The following ELOVL4 variants were observed in gnomAD, a reference collection of about 807,000 sequenced individuals.
ELOVL4 encodes the protein very long chain fatty acid elongase 4.
In ELOVL4, 18 loss-of-function variants were observed where a neutral mutation model predicts 42.1. The observed-to-expected ratio is 0.43, with a 90% confidence interval of 0.30 to 0.63. ELOVL4 has a LOEUF of 0.63. ELOVL4 is among the 30% of genes least tolerant of loss of function. The pLI is 0.15. For synonymous variants in ELOVL4, 117 were observed against 127.0 expected (o/e 0.92, Z 0.53); for missense variants, 299 against 376.2 (o/e 0.79, Z 1.70).
intron 1 of ELOVL4, among the ~76,000 whole-genome samples, chr6:79,929,506 GTTAGGA>G (rs1774408571): frequency 6.6e-6 from 1 of 152,052 alleles, no homozygotes; most frequent in Admixed American, 6.5e-5. Flanking sequence ...CTCCCAAAGT[GTTAGGA>G]TTACAGGCGT....
chr6:79,940,345 A>G (rs1404039808), intron 1 of ELOVL4, among the ~76,000 whole-genome samples: 3 of 152,206 alleles, frequency 2.0e-5, no homozygotes, highest in African/African-American at 7.2e-5. Context: ...TTTCATGAAG[A>G]AAAATATATG....
chr6:79,927,035 G>T (rs1475088164), intron 1 of ELOVL4, among the ~76,000 whole-genome samples: 1 of 151,990 alleles, frequency 6.6e-6, no homozygotes, highest in African/African-American at 2.4e-5. Flanking sequence ...TTTTTCTCTA[G>T]AGCTGTAAAT....
chr6:79,937,932 C>T (rs1425637593), intron 1 of ELOVL4, among the ~76,000 whole-genome samples: 1 of 152,156 alleles, frequency 6.6e-6, no homozygotes, highest in African/African-American at 2.4e-5. Context: ...TCATCATGTG[C>T]AGACGATATC....
At chr6:79,934,484 C>T (rs560163296) in intron 1 of ELOVL4, among the ~76,000 whole-genome samples, 3 of 152,160 alleles carry the variant, frequency 2.0e-5, no homozygotes, top group South Asian at 2.1e-4. Context: ...ATGGATACCA[C>T]GACGTCATGC....
At chr6:79,931,437 C>G (rs7756791) in intron 1 of ELOVL4, among the ~76,000 whole-genome samples, 3,666 of 152,152 alleles carry the variant, frequency 0.024, 146 homozygotes, top group African/African-American at 0.083. Flanking sequence ...TACTCAATCA[C>G]CATGTACTTT....
intron 4 of ELOVL4, among the ~76,000 whole-genome samples, chr6:79,921,284 A>AC (rs1482871336): frequency 6.6e-6 from 1 of 151,724 alleles, no homozygotes; most frequent in African/African-American, 2.4e-5. Context: ...ACATGGTGAA[A>AC]CCCTGTCTCT....
chr6:79,915,402 T>C lies in ELOVL4; in HGVS notation c.*1206A>G, dbSNP rs1176172162. ...ACATCAAGCATTGAATTTAACAATC[T>C]TTAGCACCAAGGAGTCAAGAATATT... On this transcript the variant is annotated 3_prime_UTR_variant, in exon 6 of 6. Coordinates refer to ENST00000369816, the MANE Select transcript of ELOVL4 (RefSeq NM_022726.4). 1 of 152,614 alleles carries C rather than the reference T, an allele frequency of 6.6e-6. No individual in the cohort carries two copies. The highest frequency in any genetic ancestry group is 2.4e-5 in the African/African-American group (1 of 41,458). 9.5% of individuals were successfully genotyped at this position (152,614 alleles called of 1,614,324 possible). A position where few individuals can be genotyped will look rare whatever the true frequency, so the allele number is the denominator to read the frequency against.
intron 5 of ELOVL4, 98 bp from the exon 6 acceptor site, chr6:79,916,981 T>A (rs1447147039): frequency 6.9e-7 from 1 of 1,439,236 alleles, no homozygotes; most frequent in African/African-American, 1.4e-5. Context: ...AGGCCCAAAT[T>A]TTGCCACACT....
At chr6:79,921,570 C>T in intron 4 of ELOVL4, 55 bp downstream of exon 4, 2 of 1,505,528 alleles carry the variant, frequency 1.3e-6, no homozygotes, top group South Asian at 2.3e-5. Flanking sequence ...CATTGCTTTC[C>T]ACTGAACACA....
At chr6:79,920,361 C>T (rs1432625951) in intron 4 of ELOVL4, among the ~76,000 whole-genome samples, 1 of 152,172 alleles carries the variant, frequency 6.6e-6, no homozygotes, top group African/African-American at 2.4e-5. Context: ...TCTGAAAAGA[C>T]AGGAGGCAGA....
chr6:79,941,934 G>A (rs1272846465), intron 1 of ELOVL4, among the ~76,000 whole-genome samples: 1 of 152,208 alleles, frequency 6.6e-6, no homozygotes, highest in Non-Finnish European at 1.5e-5. Flanking sequence ...GTCATAGAAG[G>A]AATGGCACAG....
chr6:79,930,370 G>C (rs933178961), intron 1 of ELOVL4, among the ~76,000 whole-genome samples: 1 of 152,128 alleles, frequency 6.6e-6, no homozygotes, highest in African/African-American at 2.4e-5. Flanking sequence ...GATTATCATG[G>C]AAGCTACAGT....
At chr6:79,946,908 T>G (rs1012873133) in intron 1 of ELOVL4, among the ~76,000 whole-genome samples, 1 of 152,178 alleles carries the variant, frequency 6.6e-6, no homozygotes, top group Non-Finnish European at 1.5e-5. Context: ...AGGCTCCATC[T>G]GATATGTCAG....
In ELOVL4 at chr6:79,924,981, C is replaced by T; in HGVS notation, c.340G>A (p.Asp114Asn). 1 of 1,606,282 alleles carries T rather than the reference C, an allele frequency of 6.2e-7. No individual in the cohort carries two copies. Among genetic ancestry groups the T allele is most frequent in the Non-Finnish European group, 8.5e-7 (1 of 1,173,054 alleles). Residue 114 changes from aspartate to asparagine, a missense_variant, in exon 3 of 6, where the codon GAT becomes AAT. Coordinates refer to ENST00000369816, the MANE Select transcript of ELOVL4 (RefSeq NM_022726.4). Reference protein sequence around the residue: ...AGYSYICQSVDYSNNVHEVRI... With the variant: ...AGYSYICQSVNYSNNVHEVRI... Reference sequence around the variant, plus strand: ...ACTTCATGAACATTATTAGAATAATCCACACTCTGGCAAATATAGCTATAT... The same window carrying T: ...ACTTCATGAACATTATTAGAATAATTCACACTCTGGCAAATATAGCTATAT...
chr6:79,943,852 A>C (rs1054998127), intron 1 of ELOVL4, among the ~76,000 whole-genome samples: 2 of 152,118 alleles, frequency 1.3e-5, no homozygotes, highest in Non-Finnish European at 2.9e-5. Flanking sequence ...ACCCCTCCAA[A>C]GTTAATTCAA....
Position 79,947,079 on chromosome 6 carries a change from G to C in ELOVL4, c.100+101C>G, listed in dbSNP as rs1774758264. The C allele has an allele frequency of 9.2e-6, 9 of 974,070 alleles. 1 individual carries two copies. The highest frequency in any genetic ancestry group is 2.6e-5 in the East Asian group (1 of 38,196). The allele number at this position is 974,070 out of a possible 1,614,324, so 60.3% of individuals were successfully genotyped here. ...TGATCCGCAGCATCCGAAAGCCGCA[G>C]GGCGCGGGGGCCTGTGGGGCCGGGC... On this transcript the variant is annotated intron_variant, in intron 1 of 5. Transcript: ENST00000369816.
At chr6:79,939,106 G>A (rs561282004) in intron 1 of ELOVL4, among the ~76,000 whole-genome samples, 3 of 152,146 alleles carry the variant, frequency 2.0e-5, no homozygotes, top group East Asian at 3.9e-4. Flanking sequence ...CTTGTTATTT[G>A]CTACTTTCTA....
chr6:79,936,431 G>A (rs913838040), intron 1 of ELOVL4, among the ~76,000 whole-genome samples: 1 of 152,096 alleles, frequency 6.6e-6, no homozygotes, highest in African/African-American at 2.4e-5. Context: ...ACTGTACACT[G>A]CAAGTACCCC....
Position 79,935,010 on chromosome 6 carries a change from T to C in ELOVL4, c.101-8629A>G, listed in dbSNP as rs113012402. On this transcript the variant is annotated intron_variant, in intron 1 of 5. Coordinates refer to ENST00000369816, the MANE Select transcript of ELOVL4 (RefSeq NM_022726.4). ...ATTCTGTATTTATTTATTCAGGAGA[T>C]AAAATACATAAAAATTCTCACTCTG... Among the ~76,000 whole-genome samples the C allele has an allele frequency of 4.7e-3, 720 of 152,276 alleles. 9 individuals are homozygous for C. Among genetic ancestry groups the C allele is most frequent in the African/African-American group, 0.016 (681 of 41,556 alleles).
Sources: allele counts gnomAD v4.1 joint callset (sites outside exome capture counted in the v4.1 genomes callset), GRCh38; gene constraint gnomAD v4.1.1; transcripts MANE v1.5; gene names NCBI Gene and HGNC (gene_info 2026-07-23, HGNC 2026-07-21).